Variants in DLG2 observed in about 807,000 individuals in gnomAD.
DLG2 encodes discs large MAGUK scaffold protein 2.
In DLG2, 45 loss-of-function variants were observed where a neutral mutation model predicts 132.5. That is an observed-to-expected ratio of 0.34 (90% CI 0.27 to 0.44). The LOEUF (loss-of-function observed/expected upper bound fraction) is 0.44, where lower values mean the gene tolerates loss of function less well. Ranked by LOEUF, DLG2 falls within the 20% of genes least tolerant of loss-of-function variation. The pLI, the probability that DLG2 is intolerant of heterozygous loss-of-function variation, is 1.00. For missense variants in DLG2, 1,045 were observed against 1,196.9 expected (o/e 0.87, Z 1.87); for synonymous variants, 424 against 419.6 (o/e 1.01, Z -0.13).
At chr11:85,191,160 G>GCACACACACACACA (rs1256970184) in intron 4 of DLG2, among the ~76,000 whole-genome samples, 12 of 101,168 alleles carry the variant, frequency 1.2e-4, no homozygotes, top group African/African-American at 4.8e-4. Flanking sequence ...GCGCGCACGC[G>GCACACACACACACA]CGCACACACA....
intron 7 of DLG2, among the ~76,000 whole-genome samples, chr11:84,310,533 C>G (rs998244005): frequency 6.6e-6 from 1 of 152,172 alleles, no homozygotes; most frequent in African/African-American, 2.4e-5. Context: ...AGAGAGAATG[C>G]TCTGCTTATG....
At chr11:84,842,923 G>A (rs751504155) in intron 6 of DLG2, among the ~76,000 whole-genome samples, 1 of 151,922 alleles carries the variant, frequency 6.6e-6, no homozygotes, top group Non-Finnish European at 1.5e-5. Context: ...GCCGAGTTAT[G>A]TAAGTGGCAA....
At chr11:84,218,276 GGA>G (rs1387064510) in intron 8 of DLG2, among the ~76,000 whole-genome samples, 1 of 144,206 alleles carries the variant, frequency 6.9e-6, no homozygotes, top group South Asian at 2.2e-4. Context: ...AGGGAAAAAG[GGA>G]GAGAGAGAAA....
chr11:84,223,587 C>T (rs2096947074), intron 8 of DLG2, among the ~76,000 whole-genome samples: 1 of 147,944 alleles, frequency 6.8e-6, no homozygotes, highest in Admixed American at 6.7e-5. Context: ...GGCAGAGTCT[C>T]ACTCTGTCAT....
intron 10 of DLG2, among the ~76,000 whole-genome samples, chr11:84,097,213 C>T (rs1012262780): frequency 2.0e-5 from 3 of 152,130 alleles, no homozygotes; most frequent in East Asian, 3.9e-4. Flanking sequence ...TCTCTGGGTC[C>T]TATTCTCAAT....
At chr11:83,947,594 C>T (rs2084371948) in intron 14 of DLG2, among the ~76,000 whole-genome samples, 1 of 152,200 alleles carries the variant, frequency 6.6e-6, no homozygotes, top group African/African-American at 2.4e-5. Context: ...TAAAAGTCAA[C>T]ATTAATAATA....
rs1208557276 is a variant in DLG2, at chr11:84,923,433, AG to A, written c.357+188227del. The stretch of plus-strand genomic sequence containing the variant: ...TAAATCACTGGATTAAAAAAAAAAA[AG>A]AAGAAGAAGAAGGAGGGGGGAATGA... On this transcript the variant is annotated intron_variant, in intron 6 of 27. Coordinates refer to ENST00000376104, the MANE Select transcript of DLG2 (RefSeq NM_001142699.3). 1.6e-4 allele frequency: 152 copies of A among 976,494 alleles called. No homozygotes were observed. The Middle Eastern group carries it at 2.6e-3, about 17-fold the overall frequency. The allele number at this position is 976,494 out of a possible 1,614,324, so 60.5% of individuals were successfully genotyped here. A position where few individuals can be genotyped will look rare whatever the true frequency, so the allele number is the denominator to read the frequency against.
intron 6 of DLG2, among the ~76,000 whole-genome samples, chr11:84,813,778 T>C (rs941831086): frequency 2.0e-5 from 3 of 152,036 alleles, no homozygotes; most frequent in Non-Finnish European, 2.9e-5. Context: ...TGAAGACACA[T>C]AGCTTCTCTA....
In DLG2 at chr11:84,024,914, G is replaced by A. The variant is rs188569926; in HGVS notation, c.919+34401C>T. On this transcript the variant is annotated intron_variant, in intron 11 of 27. Transcript: ENST00000376104. ...TAAATCTCAAATGTTCTCACCACAAGGCATGTTAAGTATTTGAGGTGACAG... is the reference window on the plus strand; with the variant it reads ...TAAATCTCAAATGTTCTCACCACAAAGCATGTTAAGTATTTGAGGTGACAG... 7.2e-4 allele frequency among the ~76,000 whole-genome samples: 109 copies of A among 151,430 alleles called. 1 individual carries two copies. The highest frequency in any genetic ancestry group is 2.6e-3 in the African/African-American group (108 of 41,270).
At chr11:85,396,543 G>A (rs1032557773) in intron 3 of DLG2, among the ~76,000 whole-genome samples, 13 of 152,100 alleles carry the variant, frequency 8.5e-5, no homozygotes, top group Admixed American at 2.6e-4. Context: ...AAGGTTAGAC[G>A]ATTGGCTAAC....
intron 8 of DLG2, among the ~76,000 whole-genome samples, chr11:84,169,070 G>A (rs1022051276): frequency 2.6e-5 from 4 of 152,066 alleles, no homozygotes; most frequent in Non-Finnish European, 5.9e-5. Context: ...ATGAGTGCGA[G>A]TTTGGGTAAG....
intron 19 of DLG2, among the ~76,000 whole-genome samples, chr11:83,593,264 AC>A (rs2097219425): frequency 6.7e-6 from 1 of 148,334 alleles, no homozygotes; most frequent in Admixed American, 6.7e-5. Context: ...ACAATGATAG[AC>A]TGGATTAAGA....
At chr11:84,940,630 T>C (rs1260900897) in intron 6 of DLG2, among the ~76,000 whole-genome samples, 1 of 152,240 alleles carries the variant, frequency 6.6e-6, no homozygotes, top group African/African-American at 2.4e-5. Flanking sequence ...TGTCTCTTAA[T>C]CCCTTGTCAA....
At chr11:83,942,315 T>C (rs1050689838) in intron 14 of DLG2, among the ~76,000 whole-genome samples, 20 of 151,884 alleles carry the variant, frequency 1.3e-4, no homozygotes, top group African/African-American at 4.1e-4. Context: ...AGACACACCA[T>C]ATTATTAAGT....
intron 9 of DLG2, among the ~76,000 whole-genome samples, chr11:84,120,261 A>T: frequency 6.6e-6 from 1 of 152,210 alleles, no homozygotes; most frequent in East Asian, 1.9e-4. Context: ...ACATACCAGT[A>T]TGCAACCTGA....
In DLG2 at chr11:85,612,476, T is replaced by C. The variant is rs150171120; in HGVS notation, c.-92-13688A>G. ...TTGCCTAATAATTGGTCTGCTCAAA[T>C]GTGCGAGCTGTTTGCACTCAGCCAA... On this transcript the variant is annotated intron_variant, in intron 2 of 27. Transcript: ENST00000376104. Among the ~76,000 whole-genome samples the C allele has an allele frequency of 3.9e-3, 588 of 152,346 alleles. 3 individuals are homozygous for C. Among genetic ancestry groups the C allele is most frequent in the African/African-American group, 0.013 (558 of 41,578 alleles).
chr11:84,653,797 G>A (rs1025126106), intron 6 of DLG2, among the ~76,000 whole-genome samples: 2 of 152,118 alleles, frequency 1.3e-5, no homozygotes, highest in Admixed American at 6.6e-5. Context: ...CATTCTCTTG[G>A]CTCTTTCATG....
chr11:84,615,819 A>AAAAAAAAAAAAC (rs2099603167), intron 6 of DLG2, among the ~76,000 whole-genome samples: 1 of 83,522 alleles, frequency 1.2e-5, no homozygotes, highest in African/African-American at 5.6e-5. Context: ...CAAAAACGGT[A>AAAAAAAAAAAAC]AAAAAAAAAA....
intron 7 of DLG2, among the ~76,000 whole-genome samples, chr11:84,265,026 G>A (rs1291620751): frequency 6.6e-6 from 1 of 152,152 alleles, no homozygotes; most frequent in Non-Finnish European, 1.5e-5. Flanking sequence ...TAATAAAAGA[G>A]TTTAGAACTT....
Sources: allele counts gnomAD v4.1 joint callset (sites outside exome capture counted in the v4.1 genomes callset), GRCh38; gene constraint gnomAD v4.1.1; transcripts MANE v1.5; gene names NCBI Gene and HGNC (gene_info 2026-07-23, HGNC 2026-07-21).